Variants in HLCS observed in about 807,000 individuals in gnomAD.
HLCS encodes holocarboxylase synthetase.
In HLCS, 53 loss-of-function variants were observed where a neutral mutation model predicts 75.0. The observed-to-expected ratio is 0.71, with a 90% CI of 0.57 to 0.89. The LOEUF (loss-of-function observed/expected upper bound fraction) is 0.89. Ranked by LOEUF, HLCS falls within the 40% of genes least tolerant of loss-of-function variation. The pLI is 0.00. For synonymous variants in HLCS, 431 were observed against 428.6 expected, an observed-to-expected ratio of 1.01 and a Z score of -0.07; for missense variants, 966 against 1,074.0, an observed-to-expected ratio of 0.90 and a Z score of 1.41.
intron 6 of HLCS, among the ~76,000 whole-genome samples, chr21:36,775,940 G>C (rs566172662): frequency 5.9e-5 from 9 of 152,164 alleles, no homozygotes; most frequent in Non-Finnish European, 1.2e-4. Context: ...TGCTATGAGT[G>C]GCATTTTAGG....
chr21:36,789,148 G>A (rs907973876), intron 6 of HLCS, among the ~76,000 whole-genome samples: 11 of 152,110 alleles, frequency 7.2e-5, no homozygotes, highest in African/African-American at 2.2e-4. Context: ...TTGACCTCCC[G>A]GGCTCAAGCC....
At chr21:36,850,085 GA>G (rs1480672999) in intron 6 of HLCS, among the ~76,000 whole-genome samples, 1 of 152,184 alleles carries the variant, frequency 6.6e-6, no homozygotes, top group East Asian at 1.9e-4. Context: ...GAGGTGAGAA[GA>G]AAATAGGAAA....
chr21:36,767,559 C>T (rs964665894), intron 6 of HLCS, among the ~76,000 whole-genome samples: 1 of 152,196 alleles, frequency 6.6e-6, no homozygotes, highest in Non-Finnish European at 1.5e-5. Flanking sequence ...TGAGCCGTTA[C>T]TCCATTTATT....
chr21:36,964,176 G>A (rs530792573), intron 1 of HLCS, among the ~76,000 whole-genome samples: 1 of 152,316 alleles, frequency 6.6e-6, no homozygotes, highest in South Asian at 2.1e-4. Flanking sequence ...AGTGAGCGGA[G>A]ATCGCGCCAC....
chr21:36,968,298 A>T (rs2068692047), upstream of HLCS, among the ~76,000 whole-genome samples: 1 of 152,216 alleles, frequency 6.6e-6, no homozygotes, highest in Non-Finnish European at 1.5e-5. Flanking sequence ...AGCCATAAAG[A>T]TAGATTTTTA....
chr21:36,936,274 G>T (rs1043862648), intron 4 of HLCS, among the ~76,000 whole-genome samples, 175 bp downstream of exon 4: 1 of 152,096 alleles, frequency 6.6e-6, no homozygotes, highest in East Asian at 1.9e-4. Flanking sequence ...AGAAAGCCCT[G>T]AACTAAACTA....
chr21:36,789,749 A>G (rs1219849489), intron 6 of HLCS, among the ~76,000 whole-genome samples: 1 of 152,242 alleles, frequency 6.6e-6, no homozygotes, highest in African/African-American at 2.4e-5. Flanking sequence ...ATGTTTTAAG[A>G]TTTTAATCTA....
intron 5 of HLCS, among the ~76,000 whole-genome samples, chr21:36,904,389 A>G (rs1221713451): frequency 6.6e-6 from 1 of 152,214 alleles, no homozygotes; most frequent in Admixed American, 6.5e-5. Context: ...ACAAATCTGC[A>G]AAATAAAACT....
In HLCS at chr21:36,937,069, C is replaced by A. The variant is rs746588785; in HGVS notation, c.817G>T (p.Glu273Ter). Reference sequence around the variant, plus strand: ...TCGTAGGGAAGGTCTGGAATGTTCTCGGCAGACGCAAACTTGACTGACTCA... The same window carrying A: ...TCGTAGGGAAGGTCTGGAATGTTCTAGGCAGACGCAAACTTGACTGACTCA... ...TIESVKFASA[E>*]NIPDLPYDYS... The change falls in exon 4 of 11, where the codon GAG becomes TAG. Residue 273 changes from glutamate (E) to a stop codon, truncating the protein, a stop_gained. Transcript: ENST00000674895. LOFTEE classifies it high-confidence loss of function. The A allele has an allele frequency of 6.2e-7, 1 of 1,614,102 alleles. No individual in the cohort carries two copies. Among genetic ancestry groups the A allele is most frequent in the East Asian group, 2.2e-5 (1 of 44,878 alleles).
At chr21:36,919,512 A>T in intron 5 of HLCS, among the ~76,000 whole-genome samples, 1 of 152,234 alleles carries the variant, frequency 6.6e-6, no homozygotes, top group Non-Finnish European at 1.5e-5. Flanking sequence ...GCAAGCCAGA[A>T]TGTGACACAG....
intron 6 of HLCS, among the ~76,000 whole-genome samples, chr21:36,790,911 C>T (rs755057898): frequency 9.2e-5 from 14 of 152,196 alleles, no homozygotes. Context: ...TTCCGTCCAC[C>T]ATTTTGTCCA....
chr21:36,940,980 G>A (rs900130373), intron 2 of HLCS, among the ~76,000 whole-genome samples: 1 of 152,218 alleles, frequency 6.6e-6, no homozygotes, highest in African/African-American at 2.4e-5. Context: ...GGGAGGCCAA[G>A]GTGGGCAAAT....
intron 2 of HLCS, among the ~76,000 whole-genome samples, chr21:36,949,020 G>A (rs192990648): frequency 1.2e-4 from 19 of 152,210 alleles, no homozygotes; most frequent in African/African-American, 3.4e-4. Flanking sequence ...GTAGACAGCC[G>A]ATACACCGCC....
intron 6 of HLCS, among the ~76,000 whole-genome samples, chr21:36,798,727 ACTAATG>A (rs2061105912): frequency 6.6e-6 from 1 of 152,214 alleles, no homozygotes; most frequent in Non-Finnish European, 1.5e-5. Context: ...GTTCAGCCCT[ACTAATG>A]CATGTGAAGT....
At position 36,864,593 on chromosome 21, in the gene HLCS, TGTTAA is replaced by T. The variant is rs1385816740; in HGVS notation, c.1892+32262_1892+32266del. 4.6e-5 allele frequency among the ~76,000 whole-genome samples: 7 copies of T among 152,300 alleles called. No individual in the cohort carries two copies. The East Asian group carries it at 1.3e-3, about 29-fold the overall frequency. On this transcript the variant is annotated intron_variant, in intron 6 of 10. Coordinates refer to ENST00000674895, the MANE Select transcript of HLCS (RefSeq NM_001352514.2). ...TTTCCTGTAACCATTAAGCTCTAAG[TGTTAA>T]GTTTTCATATTATGAATTGATTCAG...
At chr21:36,868,372 GAT>G (rs966936324) in intron 6 of HLCS, among the ~76,000 whole-genome samples, 13 of 151,938 alleles carry the variant, frequency 8.6e-5, no homozygotes, top group African/African-American at 2.4e-4. Context: ...TCCTGACAGT[GAT>G]TATAGAGGTG....
chr21:36,849,918 C>T (rs545231385), intron 6 of HLCS, among the ~76,000 whole-genome samples: 63 of 152,286 alleles, frequency 4.1e-4, no homozygotes, highest in Non-Finnish European at 6.8e-4. Flanking sequence ...CATGGATGCA[C>T]GCCTTATCTA....
At chr21:36,863,464 AGGGTCACAGGCG>A (rs2063450726) in intron 6 of HLCS, among the ~76,000 whole-genome samples, 1 of 152,172 alleles carries the variant, frequency 6.6e-6, no homozygotes, top group Non-Finnish European at 1.5e-5. Context: ...AGAAAGCATG[AGGGTCACAGGCG>A]GGGTCACAGA....
chr21:36,764,487 T>G (rs1000303844), intron 8 of HLCS, among the ~76,000 whole-genome samples: 5 of 152,036 alleles, frequency 3.3e-5, no homozygotes, highest in Admixed American at 2.0e-4. Context: ...GCAGACTGCT[T>G]GAGCTCAGGA....
Sources: gnomAD v4.1 joint callset for allele counts (sites outside exome capture counted in the v4.1 genomes callset) on GRCh38, gnomAD v4.1.1 for gene constraint, MANE v1.5 for transcripts, NCBI Gene and HGNC (gene_info 2026-07-23, HGNC 2026-07-21) for gene names.